The following MARCHF6 variants were observed in gnomAD, a reference collection of about 807,000 sequenced individuals.
MARCHF6 encodes E3 ubiquitin-protein ligase MARCHF6.
MARCHF6 carries 31 observed loss-of-function variants against 133.7 expected under a neutral mutation model. The ratio of observed to expected loss-of-function variants is 0.23; its 90% confidence interval spans 0.17 to 0.31. The LOEUF (loss-of-function observed/expected upper bound fraction) is 0.31. Among genes scored for constraint, MARCHF6 ranks in the 10% least tolerant of loss-of-function variants. The probability of loss-of-function intolerance (pLI) is 1.00; values close to 1 mark genes in which losing one functional copy is unlikely to be tolerated. For synonymous variants in MARCHF6, 395 were observed against 402.5 expected (o/e 0.98, Z 0.22); for missense variants, 723 against 1,121.6 (o/e 0.64, Z 5.08).
At position 10,437,347 on chromosome 5, in the gene MARCHF6, A is replaced by G. The variant is rs2126403545; in HGVS notation, c.*3663A>G. ...ACCCAACTAAAATGTCTTACCAGTA[A>G]AGTATTATTAAAAGCCTCATTTGTG... On this transcript the variant is annotated 3_prime_UTR_variant, in exon 26 of 26. Coordinates refer to ENST00000274140, the MANE Select transcript of MARCHF6 (RefSeq NM_005885.4). The G allele has an allele frequency of 6.6e-6, 1 of 152,312 alleles. No homozygotes were observed. Among genetic ancestry groups the G allele is most frequent in the South Asian group, 2.1e-4 (1 of 4,828 alleles). 9.4% of individuals were successfully genotyped at this position (152,312 alleles called of 1,614,324 possible). A position where few individuals can be genotyped will look rare whatever the true frequency, so the allele number is the denominator to read the frequency against.
chr5:10,420,192 CTG>C (rs1158504308), intron 22 of MARCHF6, among the ~76,000 whole-genome samples: 2 of 152,202 alleles, frequency 1.3e-5, no homozygotes, highest in Non-Finnish European at 2.9e-5. Flanking sequence ...AAACAAGAAG[CTG>C]CATCATCTTT....
intron 1 of MARCHF6, chr5:10,354,781 C>T (rs1735341477): frequency 6.6e-6 from 1 of 152,006 alleles, no homozygotes; most frequent in African/African-American, 2.4e-5. Context: ...AAATGCTTTT[C>T]TACTTTAGGT....
At chr5:10,426,558 CTTT>C in intron 24 of MARCHF6, 36 bp downstream of exon 24, 2 of 1,608,124 alleles carry the variant, frequency 1.2e-6, no homozygotes, top group Non-Finnish European at 1.7e-6. Flanking sequence ...TGAAGGAGCA[CTTT>C]TATTAACATT....
At chr5:10,404,697 G>T (rs1380376064) in intron 15 of MARCHF6, among the ~76,000 whole-genome samples, 1 of 152,206 alleles carries the variant, frequency 6.6e-6, no homozygotes, top group Non-Finnish European at 1.5e-5. Flanking sequence ...AAGGCTGAAT[G>T]CTGCTCTTGG....
At position 10,402,365 on chromosome 5, in the gene MARCHF6, C is replaced by G. The variant is rs1195285482; in HGVS notation, c.1054-19C>G. 1 of 1,610,360 alleles carries G rather than the reference C, an allele frequency of 6.2e-7. No individual in the cohort carries two copies. The highest frequency in any genetic ancestry group is 1.3e-5 in the African/African-American group (1 of 74,920). On this transcript the variant is annotated intron_variant, in intron 12 of 25. Coordinates refer to ENST00000274140, the MANE Select transcript of MARCHF6 (RefSeq NM_005885.4). The stretch of plus-strand genomic sequence containing the variant: ...TTGTACCTTTAAATACTCAGTTTTT[C>G]CTTGACCTGATGCTGTAGGGCTTGG...
In MARCHF6 at chr5:10,425,464, G is replaced by A. The variant is rs567520578; in HGVS notation, c.2374-926G>A. On this transcript the variant is annotated intron_variant, in intron 23 of 25. Transcript: ENST00000274140. ...TATCTTATTCATTGTTTTCTCTTGC[G>A]TATGTGCGTGTGTGTCTCTGTAAAT... is the stretch of plus-strand genomic sequence containing the variant. 7.9e-5 allele frequency among the ~76,000 whole-genome samples: 12 copies of A among 152,302 alleles called. No individual in the cohort carries two copies. In the South Asian group the frequency reaches 1.0e-3, roughly 13 times the overall value.
intron 1 of MARCHF6, among the ~76,000 whole-genome samples, chr5:10,361,310 T>C (rs945956234): frequency 1.3e-5 from 2 of 152,244 alleles, no homozygotes; most frequent in Non-Finnish European, 2.9e-5. Flanking sequence ...CAGGGGCTGC[T>C]GTAACAAAGT....
chr5:10,397,144 T>C (rs896327118), intron 9 of MARCHF6, 149 bp from the exon 10 acceptor site: 47 of 518,068 alleles, frequency 9.1e-5, no homozygotes, highest in African/African-American at 8.7e-4. Flanking sequence ...TTACATATTA[T>C]GTCTAGATTG....
rs1054557630 is a variant in MARCHF6, at chr5:10,411,444, A to C, written c.1803A>C (p.Gly601=). Reference sequence around the variant, plus strand: ...ATAACAACGCTATTCCTGTGGTGGGAGAAGGCCTTCATGCAGCCCACCAAG... The same window carrying C: ...ATAACAACGCTATTCCTGTGGTGGGCGAAGGCCTTCATGCAGCCCACCAAG... The part of the protein sequence containing the change: ...ARNNNAIPVV[G]EGLHAAHQAI... Residue 601 remains glycine, a synonymous_variant, in exon 19 of 26, where the codon GGA becomes GGC. Transcript: ENST00000274140. 4 of 1,614,232 alleles carry C rather than the reference A, an allele frequency of 2.5e-6. No homozygotes were observed. Among genetic ancestry groups the C allele is most frequent in the Non-Finnish European group, 3.4e-6 (4 of 1,180,036 alleles).
chr5:10,423,156 T>C (rs1315980547), intron 22 of MARCHF6, among the ~76,000 whole-genome samples: 2 of 151,794 alleles, frequency 1.3e-5, no homozygotes, highest in East Asian at 2.0e-4. Context: ...AAGAGATACT[T>C]GGTGGTGGTG....
At chr5:10,427,642 A>G (rs1012698043) in intron 24 of MARCHF6, among the ~76,000 whole-genome samples, 2 of 152,126 alleles carry the variant, frequency 1.3e-5, no homozygotes, top group African/African-American at 2.4e-5. Context: ...AAAACACACA[A>G]CCAAACTTGC....
chr5:10,429,918 A>T lies in MARCHF6; in HGVS notation c.2532A>T (p.Leu844Phe). The change falls in exon 25 of 26, where the codon TTA (leucine) becomes TTT (phenylalanine). Residue 844 changes from leucine (L) to phenylalanine (F), a missense_variant. Physicochemically the swap from Leu to Phe is conservative, Grantham distance 22. Around this residue, in one of 4 missense-constraint regions of MARCHF6, gnomAD observed 492 missense variants for 699.5 expected, o/e 0.70. Coordinates refer to ENST00000274140, the MANE Select transcript of MARCHF6 (RefSeq NM_005885.4). ...LLGVTAEMQN[L>F]VHRRIYPFLL... ...GTGTTACTGCGGAAATGCAAAACTT[A>T]GTCCATCGGCGGATTTATCCATTTT... The T allele has an allele frequency of 6.2e-7, 1 of 1,613,406 alleles. No homozygotes were observed. The highest frequency in any genetic ancestry group is 1.6e-4 in the Middle Eastern group (1 of 6,062).
chr5:10,439,255 G>A lies in MARCHF6; in HGVS notation c.*5571G>A, dbSNP rs776165571. 6.6e-6 allele frequency: 1 copy of A among 152,146 alleles called. No homozygotes were observed. Among genetic ancestry groups the A allele is most frequent in the Non-Finnish European group, 1.5e-5 (1 of 68,012 alleles). The allele number at this position is 152,146 out of a possible 1,614,324, so 9.4% of individuals were successfully genotyped here. A position where few individuals can be genotyped will look rare whatever the true frequency, so the allele number is the denominator to read the frequency against. On this transcript the variant is annotated 3_prime_UTR_variant, in exon 26 of 26. Coordinates refer to ENST00000274140, the MANE Select transcript of MARCHF6 (RefSeq NM_005885.4). ...ATGCTGGAATAATTGGGCATCAGAT[G>A]CAAAATTAAAAACAAATTGATCCAT...
At chr5:10,400,992 A>G in intron 11 of MARCHF6, 150 bp downstream of exon 11, 1 of 613,354 alleles carries the variant, frequency 1.6e-6, no homozygotes, top group Non-Finnish European at 2.8e-6. Flanking sequence ...TTTTTAAAAA[A>G]AATAACAGTG....
chr5:10,382,469 A>C (rs1357482977), intron 4 of MARCHF6, among the ~76,000 whole-genome samples: 10 of 123,554 alleles, frequency 8.1e-5, no homozygotes, highest in Admixed American at 2.3e-4. Context: ...TTTGTCTCGC[A>C]AAAAAAAAAA....
intron 1 of MARCHF6, among the ~76,000 whole-genome samples, chr5:10,364,268 T>C (rs1369798949): frequency 6.6e-6 from 1 of 152,146 alleles, no homozygotes; most frequent in Non-Finnish European, 1.5e-5. Flanking sequence ...CCACTTCTTC[T>C]GGGGAGCAGA....
intron 1 of MARCHF6, among the ~76,000 whole-genome samples, chr5:10,359,434 T>C (rs568084830): frequency 2.8e-4 from 43 of 152,250 alleles, no homozygotes; most frequent in Admixed American, 1.1e-3. Context: ...GAATACAGTA[T>C]ATAATATTAC....
chr5:10,356,713 A>G (rs1326885530), intron 1 of MARCHF6, among the ~76,000 whole-genome samples: 1 of 152,114 alleles, frequency 6.6e-6, no homozygotes, highest in East Asian at 1.9e-4. Context: ...TGTCCTTTAA[A>G]AATATATTTT....
chr5:10,426,166 C>T (rs1024128373), intron 23 of MARCHF6, among the ~76,000 whole-genome samples: 1 of 152,182 alleles, frequency 6.6e-6, no homozygotes, highest in Non-Finnish European at 1.5e-5. Context: ...CTTATTTCAT[C>T]ACTTAGCAGA....
Sources: allele counts gnomAD v4.1 joint callset (sites outside exome capture counted in the v4.1 genomes callset), GRCh38; gene constraint gnomAD v4.1.1; regional missense constraint gnomAD v4.1.1; transcripts MANE v1.5; gene names NCBI Gene and HGNC (gene_info 2026-07-23, HGNC 2026-07-21).